CSMD1: variants seen among roughly 807,000 people sequenced by gnomAD.
CSMD1 encodes the protein CUB and sushi domain-containing protein 1.
Under a neutral mutation model 417.5 loss-of-function variants are expected in CSMD1, and 213 were observed. That is an observed-to-expected ratio of 0.51 (90% CI 0.46 to 0.57). The LOEUF is 0.57. CSMD1 is among the 20% of genes least tolerant of loss of function. The pLI is 0.00. For synonymous variants in CSMD1, 2,862 were observed against 1,736.8 expected, an observed-to-expected ratio of 1.65 and a Z score of -16.11; for missense variants, 6,923 against 4,529.7, an observed-to-expected ratio of 1.53 and a Z score of -15.17.
chr8:3,274,428 T>C (rs1213534909), intron 26 of CSMD1, among the ~76,000 whole-genome samples: 1 of 152,190 alleles, frequency 6.6e-6, no homozygotes, highest in East Asian at 1.9e-4. Context: ...GAGAGTTCTG[T>C]AGATGTCTAT....
At chr8:4,460,115 C>G (rs1033303607) in intron 2 of CSMD1, among the ~76,000 whole-genome samples, 1 of 152,070 alleles carries the variant, frequency 6.6e-6, no homozygotes, top group Non-Finnish European at 1.5e-5. Context: ...TGCCATGCCA[C>G]AGAACTACTT....
At chr8:4,463,788 T>G (rs904594105) in intron 2 of CSMD1, among the ~76,000 whole-genome samples, 2 of 152,112 alleles carry the variant, frequency 1.3e-5, no homozygotes. Context: ...TACTGGGTTT[T>G]TTGCATTAAA....
intron 3 of CSMD1, among the ~76,000 whole-genome samples, chr8:4,357,156 T>G (rs537925239): frequency 1.3e-5 from 2 of 152,290 alleles, no homozygotes; most frequent in African/African-American, 4.8e-5. Flanking sequence ...TGATCTCAAA[T>G]AAAATATGGT....
At chr8:3,174,861 G>A (rs936050692) in intron 37 of CSMD1, among the ~76,000 whole-genome samples, 13 of 151,920 alleles carry the variant, frequency 8.6e-5, no homozygotes, top group African/African-American at 2.9e-4. Flanking sequence ...TAAAGAGAAG[G>A]CAGTTTATCA....
At chr8:4,967,532 T>C (rs1422112005) in intron 1 of CSMD1, among the ~76,000 whole-genome samples, 3 of 152,150 alleles carry the variant, frequency 2.0e-5, no homozygotes, top group Non-Finnish European at 4.4e-5. Flanking sequence ...CTCTAAATCT[T>C]AAGCCAATAT....
intron 2 of CSMD1, among the ~76,000 whole-genome samples, chr8:4,598,989 T>C (rs1585310461): frequency 6.6e-6 from 1 of 152,220 alleles, no homozygotes. Flanking sequence ...GAAAGTTACG[T>C]GTACCAGAAA....
intron 11 of CSMD1, among the ~76,000 whole-genome samples, chr8:3,484,893 T>C (rs1288678778): frequency 6.6e-6 from 1 of 152,160 alleles, no homozygotes; most frequent in East Asian, 1.9e-4. Flanking sequence ...ACACAACTTT[T>C]GGAGCAGAAA....
rs1285097872 is a variant in CSMD1, at chr8:3,609,381, G to C, written c.1097+7329C>G. Among the ~76,000 whole-genome samples the C allele has an allele frequency of 1.3e-5, 2 of 152,146 alleles. 1 individual carries two copies. The highest frequency in any genetic ancestry group is 2.9e-5 in the Non-Finnish European group (2 of 68,028). On this transcript the variant is annotated intron_variant, in intron 8 of 69. Coordinates refer to ENST00000635120, the MANE Select transcript of CSMD1 (RefSeq NM_033225.6). Reference sequence around the variant, plus strand: ...TGTGATGAATACACTTTGTCTTTTAGACAGTGGTCTATGGTGAAAAATACT... The same window carrying C: ...TGTGATGAATACACTTTGTCTTTTACACAGTGGTCTATGGTGAAAAATACT...
chr8:3,659,691 T>C (rs1395662080), intron 7 of CSMD1, among the ~76,000 whole-genome samples: 3 of 152,254 alleles, frequency 2.0e-5, no homozygotes, highest in East Asian at 3.9e-4. Flanking sequence ...CAATATGGGC[T>C]TTCCAAACAA....
At chr8:4,791,108 G>T (rs774890368) in intron 1 of CSMD1, among the ~76,000 whole-genome samples, 4 of 134,630 alleles carry the variant, frequency 3.0e-5, no homozygotes, top group East Asian at 1.9e-4. Flanking sequence ...GAAGAGACGG[G>T]GAGAAGAGAC....
chr8:3,696,387 A>T (rs973087130), intron 7 of CSMD1, among the ~76,000 whole-genome samples: 4 of 152,172 alleles, frequency 2.6e-5, no homozygotes, highest in Non-Finnish European at 5.9e-5. Context: ...ATACTTTCAC[A>T]TATCTTCAAA....
chr8:3,058,633 C>T (rs1188431336), intron 49 of CSMD1, among the ~76,000 whole-genome samples: 1 of 152,038 alleles, frequency 6.6e-6, no homozygotes, highest in Non-Finnish European at 1.5e-5. Flanking sequence ...TTAATGTGCT[C>T]CTTATCCCCA....
At chr8:3,666,392 A>G (rs1445148696) in intron 7 of CSMD1, among the ~76,000 whole-genome samples, 1 of 152,238 alleles carries the variant, frequency 6.6e-6, no homozygotes, top group East Asian at 1.9e-4. Flanking sequence ...GTAATTGATT[A>G]AAAATTTGAA....
chr8:4,425,178 T>C lies in CSMD1; in HGVS notation c.303-5113A>G, dbSNP rs941444634. 6.6e-5 allele frequency among the ~76,000 whole-genome samples: 10 copies of C among 152,090 alleles called. No individual in the cohort carries two copies. The South Asian group carries it at 8.3e-4, about 13-fold the overall frequency. On this transcript the variant is annotated intron_variant, in intron 2 of 69. Transcript: ENST00000635120. ...TTAAATTATTAAGTTTTATAAAAAATTGTGATTACGAAGGGGTGTGGTCAA... is the reference window on the plus strand; with the variant it reads ...TTAAATTATTAAGTTTTATAAAAAACTGTGATTACGAAGGGGTGTGGTCAA...
intron 1 of CSMD1, among the ~76,000 whole-genome samples, chr8:4,780,063 G>T (rs1050564435): frequency 6.6e-6 from 1 of 152,106 alleles, no homozygotes; most frequent in African/African-American, 2.4e-5. Context: ...CATGGGGCAC[G>T]TACTTCAGGA....
chr8:3,151,526 C>T lies in CSMD1; in HGVS notation c.5915-13G>A. 6.4e-7 allele frequency: 1 copy of T among 1,562,150 alleles called. No homozygotes were observed. Among genetic ancestry groups the T allele is most frequent in the Non-Finnish European group, 8.8e-7 (1 of 1,136,466 alleles). On this transcript the variant is annotated splice_polypyrimidine_tract_variant and intron_variant, in intron 39 of 69. Coordinates refer to ENST00000635120, the MANE Select transcript of CSMD1 (RefSeq NM_033225.6). ...CCTCCACAGGTTGCTGTTAAGTGGA[C>T]AAGATGTCAGTCCTGCAGGTCCTCA... is the stretch of plus-strand genomic sequence containing the variant.
At chr8:3,936,684 A>G (rs1810522770) in intron 5 of CSMD1, among the ~76,000 whole-genome samples, 1 of 152,216 alleles carries the variant, frequency 6.6e-6, no homozygotes, top group Non-Finnish European at 1.5e-5. Context: ...ACCTGGTCAC[A>G]CAAGAGCTCT....
chr8:4,057,866 A>G (rs1391314672), intron 3 of CSMD1, among the ~76,000 whole-genome samples: 5 of 152,290 alleles, frequency 3.3e-5, no homozygotes, highest in South Asian at 2.1e-4. Flanking sequence ...TTATTTCTGC[A>G]GGCTGTGTTC....
At chr8:3,671,021 G>C (rs1406313823) in intron 7 of CSMD1, among the ~76,000 whole-genome samples, 3 of 99,750 alleles carry the variant, frequency 3.0e-5, no homozygotes, top group African/African-American at 1.1e-4. Flanking sequence ...ATATGTATAT[G>C]GGATATATGC....
Sources: allele counts gnomAD v4.1 joint callset (sites outside exome capture counted in the v4.1 genomes callset), GRCh38; gene constraint gnomAD v4.1.1; transcripts MANE v1.5; gene names NCBI Gene and HGNC (gene_info 2026-07-23, HGNC 2026-07-21).